ACSM4: variants seen among roughly 807,000 people sequenced by gnomAD.
ACSM4 encodes acyl-coenzyme A synthetase ACSM4, mitochondrial.
ACSM4 carries 66 observed loss-of-function variants against 73.0 expected under a neutral mutation model. The observed-to-expected ratio is 0.90, with a 90% confidence interval of 0.74 to 1.11. ACSM4 has a LOEUF of 1.11. Ranked by LOEUF, ACSM4 falls within the 50% of genes least tolerant of loss-of-function variation. ACSM4 has a pLI of 0.00. For missense variants in ACSM4, 645 were observed against 714.4 expected, an observed-to-expected ratio of 0.90 and a Z score of 1.11; for synonymous variants, 222 against 254.0, an observed-to-expected ratio of 0.87 and a Z score of 1.20.
In ACSM4 at chr12:7,322,513, T is replaced by C. The variant is rs760315631; in HGVS notation, c.1097T>C (p.Leu366Pro). 1.2e-6 allele frequency: 2 copies of C among 1,613,850 alleles called. No homozygotes were observed. The highest frequency in any genetic ancestry group is 1.1e-5 in the South Asian group (1 of 91,070). ...TGGAGGGTGCAAACTGGGCTGGAGC[T>C]ATATGAGGGCTATGGACAGACGGAA... ...EQWRVQTGLE[L>P]YEGYGQTEVG... Residue 366 changes from leucine to proline, a missense_variant, in exon 7 of 13, where the codon CTA becomes CCA. Coordinates refer to ENST00000399422, the MANE Select transcript of ACSM4 (RefSeq NM_001080454.2).
At chr12:7,314,217 T>C (rs1370672938) in intron 3 of ACSM4, among the ~76,000 whole-genome samples, 2 of 152,118 alleles carry the variant, frequency 1.3e-5, no homozygotes, top group Non-Finnish European at 2.9e-5. Context: ...TACCATCAGT[T>C]GGAGAAAGAG....
chr12:7,321,103 C>T (rs1946460456), intron 6 of ACSM4, among the ~76,000 whole-genome samples: 1 of 152,110 alleles, frequency 6.6e-6, no homozygotes, highest in African/African-American at 2.4e-5. Context: ...GTCTAAGAAC[C>T]ACTGGAATAT....
intron 1 of ACSM4, 142 bp from the exon 2 acceptor site, chr12:7,306,391 C>A: frequency 1.4e-6 from 1 of 738,234 alleles, no homozygotes; most frequent in Non-Finnish European, 2.3e-6. Flanking sequence ...AGGAGAGGGG[C>A]AGTTCCCTCA....
At chr12:7,319,596 A>G (rs772608555) in intron 5 of ACSM4, among the ~76,000 whole-genome samples, 5 of 151,826 alleles carry the variant, frequency 3.3e-5, no homozygotes, top group Admixed American at 3.3e-4. Flanking sequence ...TCTCAAAAAA[A>G]AAAAAAAAAG....
chr12:7,307,147 G>C (rs780507511), intron 2 of ACSM4, among the ~76,000 whole-genome samples: 1 of 152,096 alleles, frequency 6.6e-6, no homozygotes, highest in East Asian at 1.9e-4. Context: ...CCAGCTACTC[G>C]GGAGGCTGAG....
At chr12:7,304,675 C>T in intron 1 of ACSM4, 143 bp downstream of exon 1, 1 of 909,798 alleles carries the variant, frequency 1.1e-6, no homozygotes. Context: ...AATTGCCCTC[C>T]CCTCTCCCCA....
rs951331220 is a variant in ACSM4 at position 7,318,019 on chromosome 12, C to T, written c.765-7C>T. ...GGTCTGTTTTGTTGCTTTTTCATAT[C>T]ATTTAGGTATTGGCTGGACTTGAAG... On this transcript the variant is annotated splice_polypyrimidine_tract_variant and splice_region_variant and intron_variant, in intron 4 of 12. Coordinates refer to ENST00000399422, the MANE Select transcript of ACSM4 (RefSeq NM_001080454.2). 3 of 1,611,438 alleles carry T rather than the reference C, an allele frequency of 1.9e-6. No individual in the cohort carries two copies. The highest frequency in any genetic ancestry group is 2.5e-6 in the Non-Finnish European group (3 of 1,178,620).
At chr12:7,306,239 T>C (rs1469286948) in intron 1 of ACSM4, among the ~76,000 whole-genome samples, 2 of 152,230 alleles carry the variant, frequency 1.3e-5, no homozygotes, top group Admixed American at 6.5e-5. Flanking sequence ...CCAACCATTT[T>C]CTATCTTTTG....
rs750325732 is a variant in ACSM4, at chr12:7,323,305, T to C, written c.1197T>C (p.Tyr399=). 193 of 1,610,712 alleles carry C rather than the reference T, an allele frequency of 1.2e-4. No homozygotes were observed. Among genetic ancestry groups the C allele is most frequent in the Non-Finnish European group, 3.8e-5 (45 of 1,178,556 alleles). The change falls in exon 8 of 13, where the codon TAT becomes TAC. Residue 399 remains tyrosine, a synonymous_variant. Coordinates refer to ENST00000399422, the MANE Select transcript of ACSM4 (RefSeq NM_001080454.2). ...PGSMGKGMLP[Y]DVQIIDENGN... is the part of the protein sequence containing the mutation. ...CAATGGGGAAAGGAATGCTGCCCTA[T>C]GATGTCCAGGTAGGTTGAGAAAATA...
Position 7,304,184 on chromosome 12 carries a change from G to A in ACSM4, c.-148G>A, listed in dbSNP as rs1438760136. ...AGGAAGGATGAGGTGTTTTTCAGGTGTTCCCCAACTTGCCAGGGACACACA... is the reference window on the plus strand; with the variant it reads ...AGGAAGGATGAGGTGTTTTTCAGGTATTCCCCAACTTGCCAGGGACACACA... On this transcript the variant is annotated 5_prime_UTR_variant, in exon 1 of 13. Coordinates refer to ENST00000399422, the MANE Select transcript of ACSM4 (RefSeq NM_001080454.2). 4 of 799,142 alleles carry A rather than the reference G, an allele frequency of 5.0e-6. No homozygotes were observed. Among genetic ancestry groups the A allele is most frequent in the Non-Finnish European group, 8.1e-6 (4 of 495,804 alleles). 49.5% of individuals were successfully genotyped at this position (799,142 alleles called of 1,614,324 possible).
chr12:7,314,633 T>C (rs61938909), intron 3 of ACSM4, among the ~76,000 whole-genome samples: 1 of 150,032 alleles, frequency 6.7e-6, no homozygotes, highest in African/African-American at 2.4e-5. Context: ...GATAGACAGA[T>C]AGATAGATGA....
At chr12:7,310,423 G>A in intron 2 of ACSM4, 116 bp from the exon 3 acceptor site, 2 of 975,112 alleles carry the variant, frequency 2.1e-6, no homozygotes, top group Non-Finnish European at 3.1e-6. Flanking sequence ...CAAGGCAGAG[G>A]TAGCTGAGGT....
In ACSM4 at chr12:7,304,253, C is replaced by T; in HGVS notation, c.-79C>T. On this transcript the variant is annotated 5_prime_UTR_variant, in exon 1 of 13. Transcript: ENST00000399422. ...AGTCTCACCACAGAGCATCAAGAAA[C>T]TGATACTCTCTATCCATCTCTCCCT... 1.4e-6 allele frequency: 2 copies of T among 1,422,940 alleles called. No individual in the cohort carries two copies. Among genetic ancestry groups the T allele is most frequent in the Non-Finnish European group, 9.8e-7 (1 of 1,018,528 alleles). The allele number at this position is 1,422,940 out of a possible 1,614,324, so 88.1% of individuals were successfully genotyped here. A position where few individuals can be genotyped will look rare whatever the true frequency, so the allele number is the denominator to read the frequency against.
chr12:7,323,162 A>G, intron 7 of ACSM4, 72 bp from the exon 8 acceptor site: 1 of 1,397,858 alleles, frequency 7.2e-7, no homozygotes, highest in South Asian at 1.3e-5. Flanking sequence ...TCAAATCTTA[A>G]TTTTCATTGC....
At chr12:7,326,859 C>A (rs1279335467) in intron 11 of ACSM4, 117 bp from the exon 12 acceptor site, 23 of 1,143,000 alleles carry the variant, frequency 2.0e-5, no homozygotes, top group Non-Finnish European at 2.6e-5. Flanking sequence ...CTGGCATTTG[C>A]AGTCATCACA....
chr12:7,320,899 C>T (rs1946458190), intron 6 of ACSM4, 95 bp downstream of exon 6: 2 of 1,082,114 alleles, frequency 1.8e-6, no homozygotes, highest in African/African-American at 3.1e-5. Flanking sequence ...CTCAGGCTTT[C>T]TCAGTCTTAC....
intron 11 of ACSM4, among the ~76,000 whole-genome samples, chr12:7,326,451 CCTT>C (rs1209258312): frequency 2.6e-5 from 4 of 152,194 alleles, no homozygotes; most frequent in East Asian, 1.9e-4. Flanking sequence ...CTGAAGTTAT[CCTT>C]CTACCTTGGC....
intron 3 of ACSM4, among the ~76,000 whole-genome samples, chr12:7,311,439 T>C (rs1946389692): frequency 6.6e-6 from 1 of 152,122 alleles, no homozygotes; most frequent in South Asian, 2.1e-4. Context: ...TTTTCACGAG[T>C]GGCTCCTTCT....
chr12:7,304,650 C>G, intron 1 of ACSM4, 118 bp downstream of exon 1: 2 of 1,133,180 alleles, frequency 1.8e-6, no homozygotes, highest in South Asian at 1.5e-5. Flanking sequence ...TCTTGGTTTC[C>G]TTTGTTTGTT....
Sources: allele counts gnomAD v4.1 joint callset (sites outside exome capture counted in the v4.1 genomes callset), GRCh38; gene constraint gnomAD v4.1.1; transcripts MANE v1.5; gene names NCBI Gene and HGNC (gene_info 2026-07-23, HGNC 2026-07-21).